Variants in PDCD1 observed in about 807,000 individuals in gnomAD.
PDCD1 encodes the protein programmed cell death protein 1.
PDCD1 carries 10 observed loss-of-function variants against 23.6 expected under a neutral mutation model. That is an observed-to-expected ratio of 0.42 (90% CI 0.26 to 0.72). The LOEUF (loss-of-function observed/expected upper bound fraction) is 0.72, where lower values mean the gene tolerates loss of function less well. Ranked by LOEUF, PDCD1 falls within the 30% of genes least tolerant of loss-of-function variation. PDCD1 has a pLI of 0.24. For missense variants in PDCD1, 313 were observed against 397.8 expected, an observed-to-expected ratio of 0.79 and a Z score of 1.81; for synonymous variants, 168 against 169.3, an observed-to-expected ratio of 0.99 and a Z score of 0.06.
chr2:241,851,247 C>T lies in PDCD1; in HGVS notation c.678G>A (p.Leu226=), dbSNP rs749178291. The change falls in exon 5 of 5, where the codon CTG becomes CTA. Residue 226 remains leucine (L), a synonymous_variant. Transcript: ENST00000334409. ...VPVFSVDYGE[L]DFQWREKTPE... is the part of the protein sequence containing the mutation. ...GGGTCTTCTCTCGCCACTGGAAATC[C>T]AGCTCCCCATAGTCCACAGAGAACA... is the stretch of plus-strand genomic sequence containing the variant. 5 of 1,613,728 alleles carry T rather than the reference C, an allele frequency of 3.1e-6. No homozygotes were observed. Among genetic ancestry groups the T allele is most frequent in the Non-Finnish European group, 4.2e-6 (5 of 1,179,922 alleles).
chr2:241,850,867 G>A lies in PDCD1; in HGVS notation c.*191C>T. The A allele has an allele frequency of 1.5e-6, 1 of 679,402 alleles. No homozygotes were observed. The highest frequency in any genetic ancestry group is 2.5e-6 in the Non-Finnish European group (1 of 403,196). 42.1% of individuals were successfully genotyped at this position (679,402 alleles called of 1,614,324 possible). On this transcript the variant is annotated 3_prime_UTR_variant, in exon 5 of 5. Coordinates refer to ENST00000334409, the MANE Select transcript of PDCD1 (RefSeq NM_005018.3). The stretch of plus-strand genomic sequence containing the variant: ...CACCTGCTGCCTGGGCTCACTGTGG[G>A]CATTGAGACATGAGTCCTGTGGTGG...
At chr2:241,851,349 AGGCCCGC>A (rs1700898437) in intron 4 of PDCD1, 52 bp from the exon 5 acceptor site, 1 of 1,547,476 alleles carries the variant, frequency 6.5e-7, no homozygotes, top group East Asian at 2.3e-5. Flanking sequence ...CGCAGGAAGG[AGGCCCGC>A]GGCTCCACAG....
intron 1 of PDCD1, among the ~76,000 whole-genome samples, chr2:241,858,264 GTTAGTCCCACATGGGGCTCATCCCATCC>G (rs917490854): frequency 3.9e-5 from 6 of 152,226 alleles, no homozygotes; most frequent in African/African-American, 1.2e-4. Flanking sequence ...TAAAGCCAAG[GTTAGTCCCACATGGGGCTCATCCCATCC>G]TTAGGAAAAC....
intron 1 of PDCD1, among the ~76,000 whole-genome samples, chr2:241,857,732 C>T (rs1469677975): frequency 6.6e-6 from 1 of 152,184 alleles, no homozygotes; most frequent in Non-Finnish European, 1.5e-5. Flanking sequence ...TGGGGAACCC[C>T]CAGTCGCCTG....
Position 241,850,986 on chromosome 2 carries a change from T to G in PDCD1, c.*72A>C. The G allele has an allele frequency of 6.5e-7, 1 of 1,539,456 alleles. No individual in the cohort carries two copies. The highest frequency in any genetic ancestry group is 8.8e-7 in the Non-Finnish European group (1 of 1,140,920). On this transcript the variant is annotated 3_prime_UTR_variant, in exon 5 of 5. Coordinates refer to ENST00000334409, the MANE Select transcript of PDCD1 (RefSeq NM_005018.3). ...TGCAATGGCCTGCACCCTGCCTGCT[T>G]CTCCTGAGGAAATGCGCTGACCCGG...
intron 1 of PDCD1, among the ~76,000 whole-genome samples, chr2:241,854,091 G>A (rs1018011422): frequency 4.6e-5 from 7 of 152,178 alleles, no homozygotes; most frequent in African/African-American, 1.7e-4. Flanking sequence ...CGGCGTGCTG[G>A]CTGGACACCA....
In PDCD1 at chr2:241,852,186, G is replaced by A; in HGVS notation, c.592+12C>T. ...TAGGGCAGGGCAGGCCGAGGGGCTG[G>A]GATGACGTTACCTCGTGCGGCCCGG... is the stretch of plus-strand genomic sequence containing the variant. On this transcript the variant is annotated intron_variant, in intron 3 of 4. Transcript: ENST00000334409. 1.9e-6 allele frequency: 3 copies of A among 1,606,112 alleles called. No homozygotes were observed. Among genetic ancestry groups the A allele is most frequent in the Non-Finnish European group, 2.5e-6 (3 of 1,178,020 alleles).
intron 1 of PDCD1, among the ~76,000 whole-genome samples, chr2:241,855,282 AC>A (rs1700998003): frequency 1.3e-5 from 2 of 151,802 alleles, no homozygotes; most frequent in African/African-American, 4.8e-5. Flanking sequence ...AGTCTCAGAG[AC>A]TGGCTCCCAC....
intron 1 of PDCD1, among the ~76,000 whole-genome samples, chr2:241,854,726 C>T (rs545468408): frequency 2.6e-4 from 40 of 152,222 alleles, no homozygotes; most frequent in African/African-American, 9.6e-4. Context: ...GCCCCACCAC[C>T]GCAGGCAGCC....
intron 1 of PDCD1, among the ~76,000 whole-genome samples, chr2:241,855,155 G>T (rs868146867): frequency 6.6e-6 from 1 of 151,980 alleles, no homozygotes. Flanking sequence ...CCACCCCGGG[G>T]AGCAGGTCCA....
chr2:241,856,294 A>C (rs894442237), intron 1 of PDCD1, among the ~76,000 whole-genome samples: 6 of 151,848 alleles, frequency 4.0e-5, no homozygotes, highest in Admixed American at 2.0e-4. Flanking sequence ...GACCCTGCGG[A>C]GCTCCATCCT....
chr2:241,851,918 G>C (rs776158996), intron 4 of PDCD1, 31 bp downstream of exon 4: 23 of 1,603,012 alleles, frequency 1.4e-5, no homozygotes, highest in Non-Finnish European at 1.9e-5. Context: ...GGAAGGCACA[G>C]TGGATCATGC....
In PDCD1 at chr2:241,852,830, G is replaced by A. The variant is rs749156039; in HGVS notation, c.227C>T (p.Thr76Met). The A allele has an allele frequency of 3.7e-6, 6 of 1,611,708 alleles. No homozygotes were observed. Among genetic ancestry groups the A allele is most frequent in the Non-Finnish European group, 5.1e-6 (6 of 1,179,988 alleles). The change falls in exon 2 of 5, where the codon ACG becomes ATG. Residue 76 changes from threonine to methionine, a missense_variant. By Grantham distance (81) the Thr-to-Met change is moderately conservative. This residue lies in a region of PDCD1 where 135 missense variants were observed against 166.9 expected (regional missense o/e 0.81). Transcript: ENST00000334409. ...CTCGGGGAAGGCGGCCAGCTTGTCC[G>A]TCTGGTTGCTGGGGCTCATGCGGTA... ...NWYRMSPSNQ[T>M]DKLAAFPEDR...
At chr2:241,854,424 C>G (rs41414844) in intron 1 of PDCD1, among the ~76,000 whole-genome samples, 47,884 of 152,050 alleles carry the variant, frequency 0.31, 7,770 homozygotes, top group South Asian at 0.37. Context: ...GCGTGTGCGG[C>G]GTGGGCCCGG....
chr2:241,850,152 A>G lies in PDCD1; in HGVS notation c.*906T>C, dbSNP rs1405690076. 3.0e-5 allele frequency: 7 copies of G among 231,758 alleles called. No homozygotes were observed. The highest frequency in any genetic ancestry group is 1.7e-4 in the Admixed American group (3 of 17,702). 14.4% of individuals were successfully genotyped at this position (231,758 alleles called of 1,614,324 possible). A position where few individuals can be genotyped will look rare whatever the true frequency, so the allele number is the denominator to read the frequency against. ...AATTTCAGGAATGGGTTCCAAGGAGAGCTCCCAGGGTGGGCACATGGGGGG... is the reference window on the plus strand; with the variant it reads ...AATTTCAGGAATGGGTTCCAAGGAGGGCTCCCAGGGTGGGCACATGGGGGG... On this transcript the variant is annotated 3_prime_UTR_variant, in exon 5 of 5. Coordinates refer to ENST00000334409, the MANE Select transcript of PDCD1 (RefSeq NM_005018.3).
Position 241,852,091 on chromosome 2 carries a change from G to C in PDCD1, c.592+107C>G, listed in dbSNP as rs540493067. On this transcript the variant is annotated intron_variant, in intron 3 of 4. Transcript: ENST00000334409. ...CAGGGACTTAGCCTGGCGGGGAGAT[G>C]GGGGGAGGTGGGGTGGGGTGAGGGA... 1.0e-5 allele frequency: 15 copies of C among 1,430,874 alleles called. No individual in the cohort carries two copies. The East Asian group carries it at 2.5e-4, about 23-fold the overall frequency. The allele number at this position is 1,430,874 out of a possible 1,614,324, so 88.6% of individuals were successfully genotyped here.
rs1700919868 is a variant in PDCD1, at chr2:241,852,260, AGG to A, written c.528_529del (p.Leu177AlafsTer67). 6.8e-6 allele frequency: 11 copies of A among 1,611,346 alleles called. No homozygotes were observed. The highest frequency in any genetic ancestry group is 8.5e-6 in the Non-Finnish European group (10 of 1,179,536). Reference sequence around the variant, plus strand: ...GACTAGCAGCACCAGGCTGCCCAGCAGGCCGCCCACGACACCAACCACCAGGG... The same window carrying A: ...GACTAGCAGCACCAGGCTGCCCAGCACCGCCCACGACACCAACCACCAGGG... On this transcript the variant is annotated frameshift_variant, in exon 3 of 5. Transcript: ENST00000334409. LOFTEE classifies it high-confidence loss of function.
At chr2:241,857,455 G>C (rs539424852) in intron 1 of PDCD1, among the ~76,000 whole-genome samples, 1 of 152,134 alleles carries the variant, frequency 6.6e-6, no homozygotes, top group Non-Finnish European at 1.5e-5. Context: ...GCCGGGACAC[G>C]GGGGGAGAGG....
chr2:241,851,936 G>C lies in PDCD1; in HGVS notation c.627+13C>G. 6.2e-7 allele frequency: 1 copy of C among 1,613,214 alleles called. No individual in the cohort carries two copies. Among genetic ancestry groups the C allele is most frequent in the Non-Finnish European group, 8.5e-7 (1 of 1,179,348 alleles). ...AGGCACAGTGGATCATGCAGGAAAAGAGTGAGACTCACCAGGGGCTGGCCG... is the reference window on the plus strand; with the variant it reads ...AGGCACAGTGGATCATGCAGGAAAACAGTGAGACTCACCAGGGGCTGGCCG... On this transcript the variant is annotated intron_variant, in intron 4 of 4. Coordinates refer to ENST00000334409, the MANE Select transcript of PDCD1 (RefSeq NM_005018.3).
Sources: allele counts gnomAD v4.1 joint callset (sites outside exome capture counted in the v4.1 genomes callset), GRCh38; gene constraint gnomAD v4.1.1; regional missense constraint gnomAD v4.1.1; transcripts MANE v1.5; gene names NCBI Gene and HGNC (gene_info 2026-07-23, HGNC 2026-07-21).